MEGF11: variants seen among roughly 807,000 people sequenced by gnomAD.
MEGF11 encodes the protein multiple epidermal growth factor-like domains protein 11.
MEGF11 carries 126 observed loss-of-function variants against 146.6 expected under a neutral mutation model. That is an observed-to-expected ratio of 0.86 (90% confidence interval 0.74 to 1.00). MEGF11 has a LOEUF of 1.00. Among genes scored for constraint, MEGF11 ranks in the 50% least tolerant of loss-of-function variants. The pLI, the probability that MEGF11 is intolerant of heterozygous loss-of-function variation, is 0.00. For synonymous variants in MEGF11, 532 were observed against 583.4 expected, an observed-to-expected ratio of 0.91 and a Z score of 1.27; for missense variants, 1,509 against 1,521.2, an observed-to-expected ratio of 0.99 and a Z score of 0.13.
chr15:66,152,360 T>C (rs893212498), intron 1 of MEGF11, among the ~76,000 whole-genome samples: 1 of 152,114 alleles, frequency 6.6e-6, no homozygotes, highest in African/African-American at 2.4e-5. Flanking sequence ...GAACTGGGCA[T>C]GGATCCCAGA....
chr15:65,924,040 A>G (rs530709572), intron 13 of MEGF11, among the ~76,000 whole-genome samples: 2 of 152,270 alleles, frequency 1.3e-5, no homozygotes, highest in African/African-American at 4.8e-5. Context: ...TGTTATAAGG[A>G]CAGTGATTGT....
At chr15:65,948,316 T>G (rs2080271440) in intron 10 of MEGF11, among the ~76,000 whole-genome samples, 1 of 151,496 alleles carries the variant, frequency 6.6e-6, no homozygotes. Context: ...CTGACCTTGT[T>G]TTTTTTTTGC....
chr15:66,206,979 A>G (rs1053330110), intron 1 of MEGF11, among the ~76,000 whole-genome samples: 16 of 152,186 alleles, frequency 1.1e-4, no homozygotes, highest in Non-Finnish European at 4.4e-5. Context: ...AGAATCAGTA[A>G]ACCTGAAGAT....
intron 24 of MEGF11, among the ~76,000 whole-genome samples, chr15:65,902,917 C>A (rs974741755): frequency 6.6e-6 from 1 of 152,162 alleles, no homozygotes; most frequent in African/African-American, 2.4e-5. Context: ...GGGATCTGAG[C>A]CCACCTTGGC....
intron 4 of MEGF11, among the ~76,000 whole-genome samples, chr15:66,113,944 G>C (rs1270325544): frequency 6.6e-6 from 1 of 152,016 alleles, no homozygotes; most frequent in African/African-American, 2.4e-5. Context: ...CATCCATCAG[G>C]ATCACCTGGG....
intron 4 of MEGF11, among the ~76,000 whole-genome samples, chr15:66,095,176 C>T (rs563564157): frequency 4.6e-5 from 7 of 152,364 alleles, no homozygotes; most frequent in Admixed American, 6.5e-5. Flanking sequence ...GAGGTTACAG[C>T]GGCAGGCAGT....
At chr15:65,995,327 G>A (rs144698031) in intron 5 of MEGF11, among the ~76,000 whole-genome samples, 277 of 152,308 alleles carry the variant, frequency 1.8e-3, no homozygotes, top group Non-Finnish European at 3.2e-3. Flanking sequence ...CCATCATATG[G>A]TCCTCACTGA....
chr15:66,123,165 T>C (rs1293649449), intron 3 of MEGF11, among the ~76,000 whole-genome samples: 1 of 152,238 alleles, frequency 6.6e-6, no homozygotes, highest in Non-Finnish European at 1.5e-5. Flanking sequence ...ATGTTGTTTC[T>C]TCCTTCCTCT....
intron 1 of MEGF11, among the ~76,000 whole-genome samples, chr15:66,132,499 C>T (rs1292993201): frequency 1.3e-5 from 2 of 152,222 alleles, no homozygotes; most frequent in African/African-American, 2.4e-5. Context: ...TCCATCTTCC[C>T]GTGATCCTTT....
Position 66,053,714 on chromosome 15 carries a change from A to T in MEGF11, c.394+40688T>A, listed in dbSNP as rs762836622. Among the ~76,000 whole-genome samples, 6 of 42,266 alleles carry T rather than the reference A, an allele frequency of 1.4e-4. No homozygotes were observed. The Admixed American group carries it at 1.7e-3, about 12-fold the overall frequency. 27.7% of individuals were successfully genotyped at this position (42,266 alleles called of 152,430 possible). A position where few individuals can be genotyped will look rare whatever the true frequency, so the allele number is the denominator to read the frequency against. ...ACTCAGCTCCCCCTCCCCTGGCACCAATTTTTTTTTTTTTTTTTTTTTTTT... is the reference window on the plus strand; with the variant it reads ...ACTCAGCTCCCCCTCCCCTGGCACCTATTTTTTTTTTTTTTTTTTTTTTTT... On this transcript the variant is annotated intron_variant, in intron 5 of 25. Coordinates refer to ENST00000395614, the MANE Select transcript of MEGF11 (RefSeq NM_001385028.1).
chr15:66,171,768 TC>T (rs943962441), intron 1 of MEGF11, among the ~76,000 whole-genome samples: 1 of 146,158 alleles, frequency 6.8e-6, no homozygotes, highest in Non-Finnish European at 1.5e-5. Context: ...TTCCTCCAGT[TC>T]CCCCCACCCC....
intron 4 of MEGF11, among the ~76,000 whole-genome samples, chr15:66,096,418 C>T (rs1212737766): frequency 6.6e-6 from 1 of 152,248 alleles, no homozygotes; most frequent in Non-Finnish European, 1.5e-5. Flanking sequence ...GTTCATGGCC[C>T]CTTGGGCAGT....
intron 1 of MEGF11, among the ~76,000 whole-genome samples, chr15:66,191,567 G>C (rs1240297225): frequency 2.6e-5 from 4 of 152,206 alleles, no homozygotes; most frequent in African/African-American, 9.6e-5. Context: ...GCACTCATCT[G>C]CTTTCCCCCG....
intron 10 of MEGF11, among the ~76,000 whole-genome samples, chr15:65,944,166 G>C (rs1448713915): frequency 1.3e-5 from 2 of 152,168 alleles, no homozygotes; most frequent in Non-Finnish European, 2.9e-5. Context: ...GTGGCAGGGT[G>C]GGGAATAGAG....
chr15:66,092,801 A>G (rs1444819271), intron 5 of MEGF11, among the ~76,000 whole-genome samples: 1 of 152,086 alleles, frequency 6.6e-6, no homozygotes, highest in African/African-American at 2.4e-5. Context: ...CTGTATTTCA[A>G]CCTCCAATAG....
At chr15:65,907,844 A>G (rs2078675987) in intron 23 of MEGF11, among the ~76,000 whole-genome samples, 1 of 152,252 alleles carries the variant, frequency 6.6e-6, no homozygotes, top group Admixed American at 6.5e-5. Context: ...GTTAGAGCCC[A>G]GATCTCTCCA....
intron 5 of MEGF11, among the ~76,000 whole-genome samples, chr15:66,037,129 G>A (rs2083754658): frequency 1.3e-5 from 2 of 152,192 alleles, no homozygotes; most frequent in Non-Finnish European, 2.9e-5. Context: ...CTTGTTGCCG[G>A]TCAGGCCTCA....
intron 1 of MEGF11, among the ~76,000 whole-genome samples, chr15:66,133,366 G>A (rs1318015801): frequency 6.6e-6 from 1 of 152,220 alleles, no homozygotes; most frequent in Non-Finnish European, 1.5e-5. Flanking sequence ...CTGGGAAGCA[G>A]CAGAAGCAAA....
chr15:65,979,917 TA>T (rs2081574947), intron 7 of MEGF11, among the ~76,000 whole-genome samples: 1 of 152,134 alleles, frequency 6.6e-6, no homozygotes, highest in Admixed American at 6.5e-5. Context: ...CCCATGAGGT[TA>T]CAAATCTTAC....
Sources: gnomAD v4.1 joint callset for allele counts (sites outside exome capture counted in the v4.1 genomes callset) on GRCh38, gnomAD v4.1.1 for gene constraint, MANE v1.5 for transcripts, NCBI Gene and HGNC (gene_info 2026-07-23, HGNC 2026-07-21) for gene names.